The following NAV3 variants were observed in gnomAD, a reference collection of about 807,000 sequenced individuals.
The protein encoded by NAV3 is neuron navigator 3.
Under a neutral mutation model 244.7 loss-of-function variants are expected in NAV3, and 87 were observed. The ratio of observed to expected loss-of-function variants is 0.36; its 90% CI spans 0.30 to 0.42. The LOEUF (loss-of-function observed/expected upper bound fraction) is 0.42, where lower values mean the gene tolerates loss of function less well. Ranked by LOEUF, NAV3 falls within the 20% of genes least tolerant of loss-of-function variation. NAV3 has a pLI of 1.00. For missense variants in NAV3, 2,663 were observed against 2,893.3 expected (o/e 0.92, Z 1.83); for synonymous variants, 1,126 against 1,042.2 (o/e 1.08, Z -1.55).
intron 2 of NAV3, among the ~76,000 whole-genome samples, chr12:77,688,205 T>G (rs1049199108): frequency 1.3e-5 from 2 of 152,000 alleles, no homozygotes; most frequent in African/African-American, 4.8e-5. Context: ...AAAATTTGTA[T>G]CATAGCTAAA....
intron 2 of NAV3, among the ~76,000 whole-genome samples, chr12:77,677,057 A>C (rs1175887375): frequency 6.6e-6 from 1 of 152,240 alleles, no homozygotes; most frequent in Non-Finnish European, 1.5e-5. Context: ...TGTATCTACC[A>C]GTAGTGGGGA....
chr12:77,798,269 A>T (rs1312680273), intron 2 of NAV3, among the ~76,000 whole-genome samples: 1 of 152,218 alleles, frequency 6.6e-6, no homozygotes, highest in Non-Finnish European at 1.5e-5. Context: ...AGAGCAGGTA[A>T]CACCAACTGG....
intron 2 of NAV3, among the ~76,000 whole-genome samples, chr12:77,713,777 G>C (rs1876232187): frequency 6.6e-6 from 1 of 152,058 alleles, no homozygotes. Context: ...ATAATATCTA[G>C]TAGTGGCTAA....
chr12:78,014,409 C>T (rs1262906100), intron 8 of NAV3, among the ~76,000 whole-genome samples: 1 of 152,084 alleles, frequency 6.6e-6, no homozygotes, highest in Non-Finnish European at 1.5e-5. Flanking sequence ...AAGTATCATG[C>T]TTCTTAAGCC....
chr12:77,810,481 GT>G (rs1329285476), intron 2 of NAV3, among the ~76,000 whole-genome samples: 1 of 152,082 alleles, frequency 6.6e-6, no homozygotes, highest in Non-Finnish European at 1.5e-5. Flanking sequence ...CCCATTATAT[GT>G]TTTTATATCA....
At chr12:77,873,773 T>A (rs2700555) in intron 1 of NAV3, among the ~76,000 whole-genome samples, 3,119 of 128,594 alleles carry the variant, frequency 0.024, 210 homozygotes, top group African/African-American at 0.085. Context: ...TATATGTATA[T>A]AACAGCATAT....
chr12:77,934,858 A>G (rs915241899), intron 1 of NAV3, among the ~76,000 whole-genome samples: 26 of 152,328 alleles, frequency 1.7e-4, no homozygotes, highest in African/African-American at 6.0e-4. Context: ...CAGGGTTAAA[A>G]TTAGCTCAGC....
rs1259079007 is a variant in NAV3, at chr12:77,948,881, A to G, written c.414+7748A>G. 2.0e-5 allele frequency among the ~76,000 whole-genome samples: 3 copies of G among 151,974 alleles called. No individual in the cohort carries two copies. The East Asian group carries it at 5.8e-4, about 29-fold the overall frequency. Reference sequence around the variant, plus strand: ...TATTTAAATTTTTTCAATAATAAGAAAAAAGAGTAAATAAAATAGGGAAAC... The same window carrying G: ...TATTTAAATTTTTTCAATAATAAGAGAAAAGAGTAAATAAAATAGGGAAAC... On this transcript the variant is annotated intron_variant, in intron 3 of 39. Transcript: ENST00000397909.
rs1009496347 is a variant in NAV3 at position 77,691,354 on chromosome 12, T to C, written c.72+119088T>C. ...GTATGTGTGTATATATATATATATA[T>C]ACATATCCATTCTTGTACTTTTTCT... On this transcript the variant is annotated intron_variant, in intron 2 of 8. Coordinates refer to the NAV3 transcript ENST00000550042. Among the ~76,000 whole-genome samples the C allele has an allele frequency of 3.6e-5, 5 of 137,672 alleles. 1 individual carries two copies. Among genetic ancestry groups the C allele is most frequent in the African/African-American group, 1.3e-4 (5 of 37,716 alleles). 90.3% of individuals were successfully genotyped at this position (137,672 alleles called of 152,430 possible). A position where few individuals can be genotyped will look rare whatever the true frequency, so the allele number is the denominator to read the frequency against.
intron 1 of NAV3, among the ~76,000 whole-genome samples, chr12:77,871,690 A>C (rs1198775021): frequency 6.6e-6 from 1 of 152,100 alleles, no homozygotes; most frequent in Non-Finnish European, 1.5e-5. Flanking sequence ...TCTATCATTG[A>C]TGGGCATTTG....
chr12:77,908,407 A>G (rs1054998284), intron 1 of NAV3, among the ~76,000 whole-genome samples: 5 of 152,076 alleles, frequency 3.3e-5, no homozygotes, highest in Non-Finnish European at 7.4e-5. Flanking sequence ...TATTTAAGGA[A>G]TATAAAATGG....
chr12:77,739,878 A>C (rs1868294969), intron 2 of NAV3, among the ~76,000 whole-genome samples: 1 of 152,140 alleles, frequency 6.6e-6, no homozygotes, highest in Non-Finnish European at 1.5e-5. Flanking sequence ...TAAATATTCA[A>C]ATCTAAAAGA....
At chr12:77,808,925 G>A (rs1872135267) in intron 2 of NAV3, among the ~76,000 whole-genome samples, 1 of 152,200 alleles carries the variant, frequency 6.6e-6, no homozygotes, top group Non-Finnish European at 1.5e-5. Flanking sequence ...TTGCGGAGCT[G>A]CGGTGGGCTC....
intron 1 of NAV3, among the ~76,000 whole-genome samples, chr12:77,937,654 C>A (rs146357973): frequency 1.6e-4 from 24 of 152,114 alleles, no homozygotes; most frequent in Non-Finnish European, 3.4e-4. Flanking sequence ...AGATGGCAGA[C>A]AGATTCACAA....
intron 2 of NAV3, among the ~76,000 whole-genome samples, chr12:77,622,534 ATTTTTTT>A (rs529338324): frequency 8.8e-5 from 8 of 90,714 alleles, no homozygotes; most frequent in Admixed American, 6.5e-4. Flanking sequence ...ATCCATATGG[ATTTTTTT>A]TTTTTTTTTT....
chr12:77,893,936 G>A (rs1592921436), intron 1 of NAV3, among the ~76,000 whole-genome samples: 1 of 152,292 alleles, frequency 6.6e-6, no homozygotes, highest in Non-Finnish European at 1.5e-5. Context: ...AAAGCCCAAA[G>A]TGTATTCATT....
rs923140102 is a variant in NAV3, at chr12:78,008,220, GT to G, written c.1907+785del. Among the ~76,000 whole-genome samples the G allele has an allele frequency of 3.6e-4, 52 of 143,754 alleles. No homozygotes were observed. The East Asian group carries it at 4.1e-3, about 11-fold the overall frequency. The allele number at this position is 143,754 out of a possible 152,430, so 94.3% of individuals were successfully genotyped here. A position where few individuals can be genotyped will look rare whatever the true frequency, so the allele number is the denominator to read the frequency against. On this transcript the variant is annotated intron_variant, in intron 8 of 39. Coordinates refer to ENST00000397909, the MANE Select transcript of NAV3 (RefSeq NM_001024383.2). ...CTTATTTGGGTTGTATTACTGATTTGTTTTTTTTTTACCTTTTATTTATTTA... is the reference window on the plus strand; with the variant it reads ...CTTATTTGGGTTGTATTACTGATTTGTTTTTTTTTACCTTTTATTTATTTA...
intron 1 of NAV3, among the ~76,000 whole-genome samples, chr12:77,882,021 A>T (rs534907584): frequency 6.6e-6 from 1 of 152,278 alleles, no homozygotes; most frequent in African/African-American, 2.4e-5. Context: ...TAAAGATGCA[A>T]TGCTATTCCT....
chr12:77,794,131 A>G (rs1273658370), intron 2 of NAV3, among the ~76,000 whole-genome samples: 5 of 152,118 alleles, frequency 3.3e-5, no homozygotes, highest in Non-Finnish European at 7.4e-5. Context: ...CTTTTGAGAA[A>G]TGTCTGTTCA....
Sources: allele counts gnomAD v4.1 joint callset (sites outside exome capture counted in the v4.1 genomes callset), GRCh38; gene constraint gnomAD v4.1.1; transcripts MANE v1.5; gene names NCBI Gene and HGNC (gene_info 2026-07-23, HGNC 2026-07-21).